Variants in COL9A2 observed in about 807,000 individuals in gnomAD.
The protein encoded by COL9A2 is collagen type IX alpha 2 chain.
Under a neutral mutation model 111.6 loss-of-function variants are expected in COL9A2, and 66 were observed. The ratio of observed to expected loss-of-function variants is 0.59; its 90% CI spans 0.48 to 0.73. The LOEUF (loss-of-function observed/expected upper bound fraction) is 0.73, where lower values mean the gene tolerates loss of function less well. COL9A2 is among the 30% of genes least tolerant of loss of function. The pLI is 0.00. For synonymous variants in COL9A2, 353 were observed against 364.1 expected (o/e 0.97, Z 0.35); for missense variants, 881 against 954.1 (o/e 0.92, Z 1.01).
Position 40,302,823 on chromosome 1 carries a change from G to GGGAT in COL9A2, c.1604-15_1604-14insATCC. The GGGAT allele has an allele frequency of 6.5e-7, 1 of 1,537,440 alleles. No individual in the cohort carries two copies. On this transcript the variant is annotated splice_polypyrimidine_tract_variant and intron_variant, in intron 29 of 31. Transcript: ENST00000372748. This position sits in a 1 kb window ranked among gnomAD's most constrained non-coding sequence, Gnocchi z 4.5. ...CTGCCAGTTGCTCTGGAGGGAGGGA[G>GGGAT]GGAGGGAGGGAGAGGGAAGTCTATG...
Position 40,303,485 on chromosome 1 carries a change from A to G in COL9A2, c.1548+45T>C. ...TGGCGGGTAAGCCGCACCCCAGAAC[A>G]GATCTACCTAGAAGAAGCACCTCCT... On this transcript the variant is annotated intron_variant, in intron 28 of 31. Transcript: ENST00000372748. The surrounding 1 kb of genome is among the most constrained non-coding windows in gnomAD (Gnocchi z 4.6). 1.9e-6 allele frequency: 3 copies of G among 1,611,384 alleles called. No homozygotes were observed. The highest frequency in any genetic ancestry group is 2.5e-6 in the Non-Finnish European group (3 of 1,179,226).
At chr1:40,315,918 G>C in intron 1 of COL9A2, 1 of 447,972 alleles carries the variant, frequency 2.2e-6, no homozygotes, top group Non-Finnish European at 4.0e-6. Flanking sequence ...CTCAGAACGT[G>C]AAGGGTCCAT....
At chr1:40,309,012 G>A (rs530234081) in intron 16 of COL9A2, among the ~76,000 whole-genome samples, 6 of 152,272 alleles carry the variant, frequency 3.9e-5, no homozygotes, top group South Asian at 2.1e-4. Context: ...TTGGGAGGCC[G>A]AGGCAGGTGG....
rs772763088 is a variant in COL9A2 at position 40,314,185 on chromosome 1, C to G, written c.249+20G>C. 2 of 1,613,908 alleles carry G rather than the reference C, an allele frequency of 1.2e-6. No homozygotes were observed. The highest frequency in any genetic ancestry group is 2.7e-5 in the African/African-American group (2 of 74,920). On this transcript the variant is annotated intron_variant, in intron 4 of 31. Coordinates refer to ENST00000372748, the MANE Select transcript of COL9A2 (RefSeq NM_001852.4). The surrounding 1 kb of genome is among the most constrained non-coding windows in gnomAD (Gnocchi z 4.1). Reference sequence around the variant, plus strand: ...ATTGGCAGAGCCCTACCCTGCCCCACCCGACACTCAGCTACTCACATCAAT... The same window carrying G: ...ATTGGCAGAGCCCTACCCTGCCCCAGCCGACACTCAGCTACTCACATCAAT...
Position 40,317,130 on chromosome 1 carries a change from G to T in COL9A2, c.68C>A (p.Ala23Glu), listed in dbSNP as rs865814938. The T allele has an allele frequency of 4.4e-6, 7 of 1,578,372 alleles. No homozygotes were observed. The highest frequency in any genetic ancestry group is 5.2e-6 in the Non-Finnish European group (6 of 1,162,614). The change falls in exon 1 of 32, where the codon GCG becomes GAG. Residue 23 changes from alanine to glutamate, a missense_variant. Coordinates refer to ENST00000372748, the MANE Select transcript of COL9A2 (RefSeq NM_001852.4). The surrounding 1 kb of genome is among the most constrained non-coding windows in gnomAD (Gnocchi z 4.3). ...AGGGGCTGCGAAACTTACAATCTGCGCCAGAGCGAGCACTACCACCTGGAG... is the reference window on the plus strand; with the variant it reads ...AGGGGCTGCGAAACTTACAATCTGCTCCAGAGCGAGCACTACCACCTGGAG... ...VLLQVVVLAL[A>E]QIRGPPGERG...
Position 40,310,656 on chromosome 1 carries a change from C to A in COL9A2, c.684+58G>T. On this transcript the variant is annotated intron_variant, in intron 13 of 31. Transcript: ENST00000372748. The surrounding 1 kb of genome is among the most constrained non-coding windows in gnomAD (Gnocchi z 4.9). ...TAGAGGCCTGAGCAGGGGAATGACT[C>A]CATGAAGGGCTCCTGGGGTGAGGGA... The A allele has an allele frequency of 7.0e-7, 1 of 1,437,696 alleles. No homozygotes were observed. The highest frequency in any genetic ancestry group is 9.6e-7 in the Non-Finnish European group (1 of 1,041,316). 89.1% of individuals were successfully genotyped at this position (1,437,696 alleles called of 1,614,324 possible).
Position 40,311,252 on chromosome 1 carries a change from G to C in COL9A2, c.554C>G (p.Pro185Arg). 1 of 1,614,170 alleles carries C rather than the reference G, an allele frequency of 6.2e-7. No individual in the cohort carries two copies. Among genetic ancestry groups the C allele is most frequent in the Non-Finnish European group, 8.5e-7 (1 of 1,180,018 alleles). The change falls in exon 11 of 32, where the codon CCC becomes CGC. Residue 185 changes from proline to arginine, a missense_variant. By Grantham distance (103) the Pro-to-Arg change is moderately radical. Coordinates refer to ENST00000372748, the MANE Select transcript of COL9A2 (RefSeq NM_001852.4). The surrounding 1 kb of genome is among the most constrained non-coding windows in gnomAD (Gnocchi z 5.1). ...CACCTTCACTCCCTGCAGCCCTGGG[G>C]GACCTTTCATTCCGGGTGGACAGTT... ...PTNCPPGMKG[P>R]PGLQGVKGHA...
At chr1:40,313,171 CT>C (rs5773690) in intron 4 of COL9A2, among the ~76,000 whole-genome samples, 5 of 148,956 alleles carry the variant, frequency 3.4e-5, no homozygotes, top group Middle Eastern at 3.5e-3. Flanking sequence ...CTTTTTCTTT[CT>C]TTTTTTTTTC....
rs781673725 is a variant in COL9A2 at position 40,314,430 on chromosome 1, C to G, written c.151-43G>C. 1.2e-6 allele frequency: 2 copies of G among 1,613,760 alleles called. No individual in the cohort carries two copies. Among genetic ancestry groups the G allele is most frequent in the South Asian group, 1.1e-5 (1 of 91,082 alleles). ...GTGAGACAGCACACTACGGCTCACA[C>G]TACCCCAAGTGGGCACACACAGGCC... On this transcript the variant is annotated intron_variant, in intron 2 of 31. Coordinates refer to ENST00000372748, the MANE Select transcript of COL9A2 (RefSeq NM_001852.4). The surrounding 1 kb of genome is among the most constrained non-coding windows in gnomAD (Gnocchi z 4.1).
In COL9A2 at chr1:40,311,250, G is replaced by A; in HGVS notation, c.556C>T (p.Pro186Ser). The A allele has an allele frequency of 1.2e-6, 2 of 1,614,160 alleles. No homozygotes were observed. Among genetic ancestry groups the A allele is most frequent in the Non-Finnish European group, 1.7e-6 (2 of 1,180,022 alleles). Residue 186 changes from proline to serine, a missense_variant, in exon 11 of 32, where the codon CCA becomes TCA. Transcript: ENST00000372748. The surrounding 1 kb of genome is among the most constrained non-coding windows in gnomAD (Gnocchi z 5.1). ...CTCACCTTCACTCCCTGCAGCCCTG[G>A]GGGACCTTTCATTCCGGGTGGACAG... is the stretch of plus-strand genomic sequence containing the variant. ...TNCPPGMKGPPGLQGVKGHAG... is the reference protein window; with the variant it reads ...TNCPPGMKGPSGLQGVKGHAG...
chr1:40,304,157 C>A (rs1557793880), intron 24 of COL9A2, 58 bp from the exon 25 acceptor site: 3 of 1,521,040 alleles, frequency 2.0e-6, no homozygotes, highest in Non-Finnish European at 2.6e-6. Context: ...GGGTCCCCCA[C>A]CTAACTTTCG....
chr1:40,303,757 G>A lies in COL9A2; in HGVS notation c.1401+50C>T. 2.6e-6 allele frequency: 4 copies of A among 1,554,592 alleles called. No individual in the cohort carries two copies. Among genetic ancestry groups the A allele is most frequent in the Non-Finnish European group, 3.5e-6 (4 of 1,150,186 alleles). ...AGAGTGGGGGGTGGGGGTCGAGGAA[G>A]GGAGTGGCCGCCCAGGAAAGTCGGA... On this transcript the variant is annotated intron_variant, in intron 27 of 31. Coordinates refer to ENST00000372748, the MANE Select transcript of COL9A2 (RefSeq NM_001852.4). This position sits in a 1 kb window ranked among gnomAD's most constrained non-coding sequence, Gnocchi z 4.6.
intron 21 of COL9A2, 67 bp downstream of exon 21, chr1:40,305,648 G>T (rs748303732): frequency 1.4e-6 from 2 of 1,454,776 alleles, no homozygotes; most frequent in Non-Finnish European, 1.9e-6. Context: ...CTCTCCCTAG[G>T]TTAGGGCTCC....
In COL9A2 at chr1:40,300,974, C is replaced by G. The variant is rs1450629653; in HGVS notation, c.*208G>C. 1.7e-6 allele frequency: 1 copy of G among 590,120 alleles called. No homozygotes were observed. Among genetic ancestry groups the G allele is most frequent in the African/African-American group, 1.9e-5 (1 of 53,872 alleles). The allele number at this position is 590,120 out of a possible 1,614,324, so 36.6% of individuals were successfully genotyped here. ...TTCGACTCCATCGACACCACTTGCCCTGTGTGTTGGCCTCACTTTTTCACC... is the reference window on the plus strand; with the variant it reads ...TTCGACTCCATCGACACCACTTGCCGTGTGTGTTGGCCTCACTTTTTCACC... On this transcript the variant is annotated 3_prime_UTR_variant, in exon 32 of 32. Transcript: ENST00000372748. The surrounding 1 kb of genome is among the most constrained non-coding windows in gnomAD (Gnocchi z 4.4).
Position 40,310,038 on chromosome 1 carries a change from G to A in COL9A2, c.793-47C>T. ...AATCCAGGTCACACAGGCTCAGGGG[G>A]AGCCATGCCCACTCTGTGGCTGTAG... On this transcript the variant is annotated intron_variant, in intron 15 of 31. Coordinates refer to ENST00000372748, the MANE Select transcript of COL9A2 (RefSeq NM_001852.4). This position sits in a 1 kb window ranked among gnomAD's most constrained non-coding sequence, Gnocchi z 4.9. The A allele has an allele frequency of 1.2e-6, 2 of 1,613,934 alleles. No individual in the cohort carries two copies. Among genetic ancestry groups the A allele is most frequent in the Non-Finnish European group, 1.7e-6 (2 of 1,179,790 alleles).
In COL9A2 at chr1:40,310,159, A is replaced by G; in HGVS notation, c.744T>C (p.Pro248=). 1 of 1,614,048 alleles carries G rather than the reference A, an allele frequency of 6.2e-7. No individual in the cohort carries two copies. Among genetic ancestry groups the G allele is most frequent in the Non-Finnish European group, 8.5e-7 (1 of 1,179,956 alleles). ...CGCCCACCATGCCTTTATATCCATG[A>G]GGGCCCTGGGGAGAGGAAAGGGTTG... ...GMAGPKGETG[P]HGYKGMVGAI... Residue 248 remains proline (P), a synonymous_variant, in exon 15 of 32, where the codon CCT becomes CCC. Coordinates refer to ENST00000372748, the MANE Select transcript of COL9A2 (RefSeq NM_001852.4). The surrounding 1 kb of genome is among the most constrained non-coding windows in gnomAD (Gnocchi z 4.9).
At chr1:40,315,718 G>T (rs956620937) in intron 1 of COL9A2, 54 bp from the exon 2 acceptor site, 3 of 1,374,322 alleles carry the variant, frequency 2.2e-6, no homozygotes, top group Middle Eastern at 1.9e-4. Flanking sequence ...GAAGCTGGGC[G>T]TCCCCGGGGC....
Position 40,314,314 on chromosome 1 carries a change from C to T in COL9A2, c.186+38G>A. On this transcript the variant is annotated intron_variant, in intron 3 of 31. Transcript: ENST00000372748. The surrounding 1 kb of genome is among the most constrained non-coding windows in gnomAD (Gnocchi z 4.1). ...AACATGAGCCAGAGGAGGGCAAGAG[C>T]AGGAAGGGTCAAAGGCCAAAGAGGA... 1 of 1,614,204 alleles carries T rather than the reference C, an allele frequency of 6.2e-7. No homozygotes were observed. Among genetic ancestry groups the T allele is most frequent in the Non-Finnish European group, 8.5e-7 (1 of 1,180,036 alleles).
At chr1:40,301,702 G>T in intron 31 of COL9A2, 110 bp downstream of exon 31, 2 of 1,063,366 alleles carry the variant, frequency 1.9e-6, no homozygotes, top group Non-Finnish European at 2.8e-6. Flanking sequence ...TGGGTATCAA[G>T]GACTGAGCTG....
Sources: gnomAD v4.1 joint callset for allele counts (sites outside exome capture counted in the v4.1 genomes callset) on GRCh38, gnomAD v4.1.1 for gene constraint, Gnocchi (gnomAD v3.1) non-coding constraint, MANE v1.5 for transcripts, NCBI Gene and HGNC (gene_info 2026-07-23, HGNC 2026-07-21) for gene names.